Variants in LDLRAD4 observed in about 807,000 individuals in gnomAD.
LDLRAD4 encodes low density lipoprotein receptor class A domain containing 4, also known as low-density lipoprotein receptor class A domain-containing protein 4.
A neutral mutation model predicts 17.0 loss-of-function variants in LDLRAD4; 5 were observed. That is an observed-to-expected ratio of 0.29 (90% CI 0.15 to 0.62). LDLRAD4 has a LOEUF of 0.62. Among genes scored for constraint, LDLRAD4 ranks in the 20% least tolerant of loss-of-function variants. The pLI is 0.84. For missense variants in LDLRAD4, 340 were observed against 424.7 expected (o/e 0.80, Z 1.75); for synonymous variants, 168 against 171.8 (o/e 0.98, Z 0.17).
rs376050806 is a variant in LDLRAD4 at position 13,466,198 on chromosome 18, C to T, written c.181+27814C>T. Among the ~76,000 whole-genome samples the T allele has an allele frequency of 1.5e-3, 226 of 152,192 alleles. 1 individual carries two copies. The highest frequency in any genetic ancestry group is 4.9e-3 in the African/African-American group (204 of 41,538). ...AACATAAGAAAATCAGGCCTGGGCA[C>T]GGTGGCTCAGGCCTGTAATCCCAGC... is the stretch of plus-strand genomic sequence containing the variant. On this transcript the variant is annotated intron_variant, in intron 3 of 5. Transcript: ENST00000359446.
At chr18:13,638,842 T>C (rs576754320) in intron 4 of LDLRAD4, among the ~76,000 whole-genome samples, 42 of 152,328 alleles carry the variant, frequency 2.8e-4, no homozygotes, top group Non-Finnish European at 6.0e-4. Context: ...CTCCCAGCCC[T>C]TGGGGACATG....
intron 3 of LDLRAD4, among the ~76,000 whole-genome samples, chr18:13,451,358 C>T (rs1406401999): frequency 2.6e-5 from 4 of 152,092 alleles, no homozygotes; most frequent in Non-Finnish European, 4.4e-5. Context: ...TGAGTTCTCA[C>T]AAGGTCTGGT....
intron 1 of LDLRAD4, among the ~76,000 whole-genome samples, chr18:13,313,068 G>A (rs1344589570): frequency 6.6e-6 from 1 of 152,168 alleles, no homozygotes; most frequent in Non-Finnish European, 1.5e-5. Context: ...TGTGTGGCTT[G>A]ATGTTTGTAA....
intron 3 of LDLRAD4, among the ~76,000 whole-genome samples, chr18:13,458,667 T>C (rs1211775005): frequency 6.6e-6 from 1 of 152,252 alleles, no homozygotes; most frequent in African/African-American, 2.4e-5. Flanking sequence ...CAGATATGAC[T>C]AAGGCTAAGG....
At chr18:13,481,619 C>G (rs71353270) in intron 3 of LDLRAD4, among the ~76,000 whole-genome samples, 1 of 152,166 alleles carries the variant, frequency 6.6e-6, no homozygotes, top group African/African-American at 2.4e-5. Context: ...CGCACCTCTT[C>G]TGGGGCAGCA....
intron 3 of LDLRAD4, among the ~76,000 whole-genome samples, chr18:13,548,358 A>G (rs2094394194): frequency 6.6e-6 from 1 of 152,084 alleles, no homozygotes; most frequent in Non-Finnish European, 1.5e-5. Flanking sequence ...CATGGCATTC[A>G]TGGCGCCCAG....
intron 3 of LDLRAD4, among the ~76,000 whole-genome samples, chr18:13,468,107 T>A (rs907282681): frequency 6.6e-6 from 1 of 150,878 alleles, no homozygotes; most frequent in Non-Finnish European, 1.5e-5. Context: ...ACACCCAAAG[T>A]ATGAACAACA....
rs1374179303 is a variant in LDLRAD4, at chr18:13,444,385, T to C, written c.181+6001T>C. Among the ~76,000 whole-genome samples, 8 of 152,216 alleles carry C rather than the reference T, an allele frequency of 5.3e-5. No homozygotes were observed. The East Asian group carries it at 1.5e-3, about 29-fold the overall frequency. On this transcript the variant is annotated intron_variant, in intron 3 of 5. Transcript: ENST00000359446. The stretch of plus-strand genomic sequence containing the variant: ...CTCTTCCTTATGATCTTTCTTAACA[T>C]TTTCTTTTCTCTAGCTTGCTTTATT...
intron 1 of LDLRAD4, among the ~76,000 whole-genome samples, chr18:13,340,511 G>T (rs140167419): frequency 5.9e-5 from 9 of 152,182 alleles, no homozygotes; most frequent in Non-Finnish European, 1.2e-4. Flanking sequence ...CTTTTCATGT[G>T]CTTATTGGTC....
chr18:13,546,697 A>G (rs1410608647), intron 3 of LDLRAD4, among the ~76,000 whole-genome samples: 4 of 152,072 alleles, frequency 2.6e-5, no homozygotes. Context: ...AGGGAACTTC[A>G]TGCAAGCTCA....
chr18:13,485,741 C>T (rs1370380258), intron 3 of LDLRAD4, among the ~76,000 whole-genome samples: 2 of 152,136 alleles, frequency 1.3e-5, no homozygotes, highest in African/African-American at 2.4e-5. Context: ...GGCCTAGGAG[C>T]GGTGGCTCAC....
intron 1 of LDLRAD4, among the ~76,000 whole-genome samples, chr18:13,312,870 A>G (rs1567995220): frequency 6.6e-6 from 1 of 152,346 alleles, no homozygotes; most frequent in East Asian, 1.9e-4. Flanking sequence ...CCACTTGGGA[A>G]AACTCTTCCT....
At chr18:13,490,901 T>C (rs1286012840) in intron 3 of LDLRAD4, among the ~76,000 whole-genome samples, 4 of 152,202 alleles carry the variant, frequency 2.6e-5, no homozygotes, top group African/African-American at 9.7e-5. Flanking sequence ...GCACCCCCTG[T>C]CCCCTTTAGA....
Position 13,557,887 on chromosome 18 carries a change from G to T in LDLRAD4, c.182-63230G>T, listed in dbSNP as rs558431373. 2.8e-4 allele frequency among the ~76,000 whole-genome samples: 43 copies of T among 152,170 alleles called. 1 individual carries two copies. The highest frequency in any genetic ancestry group is 5.7e-4 in the Non-Finnish European group (39 of 68,032). On this transcript the variant is annotated intron_variant, in intron 3 of 5. Coordinates refer to ENST00000359446, the Ensembl canonical transcript of LDLRAD4. Reference sequence around the variant, plus strand: ...CAGACACCAGTATGTCCAAATTCTTGATGCCCAATCTCATTATTTTCACTT... The same window carrying T: ...CAGACACCAGTATGTCCAAATTCTTTATGCCCAATCTCATTATTTTCACTT...
intron 3 of LDLRAD4, chr18:13,526,816 C>CA (rs1447430331): frequency 6.6e-6 from 1 of 152,276 alleles, no homozygotes; most frequent in Non-Finnish European, 1.5e-5. Context: ...AAACAGCAGA[C>CA]ACGGTGTGAA....
intron 3 of LDLRAD4, among the ~76,000 whole-genome samples, chr18:13,516,262 C>T (rs891382477): frequency 2.0e-5 from 3 of 152,228 alleles, no homozygotes; most frequent in African/African-American, 7.2e-5. Flanking sequence ...GTTGCAAATA[C>T]AAGTGACAGT....
intron 2 of LDLRAD4, among the ~76,000 whole-genome samples, chr18:13,413,493 C>G (rs1361112453): frequency 6.6e-6 from 1 of 152,162 alleles, no homozygotes; most frequent in South Asian, 2.1e-4. Context: ...TGTGATCAAT[C>G]GAGGCCTCAG....
At chr18:13,279,618 C>T (rs2045124297) in intron 1 of LDLRAD4, 2 of 152,186 alleles carry the variant, frequency 1.3e-5, no homozygotes, top group South Asian at 4.1e-4. Flanking sequence ...TGATTTTCCC[C>T]CTTATGTGGG....
intron 1 of LDLRAD4, among the ~76,000 whole-genome samples, chr18:13,322,816 G>T (rs2143407557): frequency 6.8e-6 from 1 of 146,486 alleles, no homozygotes; most frequent in African/African-American, 2.5e-5. Flanking sequence ...ATGGAGACGG[G>T]ATTTTACCAT....
Sources: gnomAD v4.1 joint callset for allele counts (sites outside exome capture counted in the v4.1 genomes callset) on GRCh38, gnomAD v4.1.1 for gene constraint, MANE v1.5 for transcripts, NCBI Gene and HGNC (gene_info 2026-07-23, HGNC 2026-07-21) for gene names.